Variants in AGO2 observed in about 807,000 individuals in gnomAD.
AGO2 encodes protein argonaute-2.
A neutral mutation model predicts 102.3 loss-of-function variants in AGO2; 5 were observed. The ratio of observed to expected loss-of-function variants is 0.05; its 90% CI spans 0.03 to 0.10. AGO2 has a LOEUF of 0.10. Among genes scored for constraint, AGO2 ranks in the 10% least tolerant of loss-of-function variants. The pLI is 1.00. For missense variants in AGO2, 541 were observed against 1,183.7 expected (o/e 0.46, Z 7.97); for synonymous variants, 449 against 473.1 (o/e 0.95, Z 0.66).
chr8:140,566,920 G>A (rs577514996), intron 3 of AGO2, among the ~76,000 whole-genome samples: 6 of 152,318 alleles, frequency 3.9e-5, no homozygotes, highest in African/African-American at 1.4e-4. Context: ...CAAGTGGAGT[G>A]AGCTTGGGAG....
At position 140,567,844 on chromosome 8, in the gene AGO2, A is replaced by AG. The variant is rs1218137578; in HGVS notation, c.336+4967dup. ...AAACAGCACTCTAAAGAATGCAAAG[A>AG]GGCCAGCCTGGGGCTCACGCCTGTA... On this transcript the variant is annotated intron_variant, in intron 3 of 18. Coordinates refer to ENST00000220592, the MANE Select transcript of AGO2 (RefSeq NM_012154.5). This position sits in a 1 kb window ranked among gnomAD's most constrained non-coding sequence, Gnocchi z 5.0. Among the ~76,000 whole-genome samples, 1 of 152,180 alleles carries AG rather than the reference A, an allele frequency of 6.6e-6. No homozygotes were observed. The highest frequency in any genetic ancestry group is 1.5e-5 in the Non-Finnish European group (1 of 68,024).
At chr8:140,634,195 T>C (rs561167192) in intron 1 of AGO2, among the ~76,000 whole-genome samples, 8 of 152,360 alleles carry the variant, frequency 5.3e-5, no homozygotes, top group South Asian at 2.1e-4. Context: ...GACTCCGCCT[T>C]GTTGAAGCTT....
In AGO2 at chr8:140,544,910, AG is replaced by A. The variant is rs1400607450; in HGVS notation, c.1749-608del. On this transcript the variant is annotated intron_variant, in intron 13 of 18. Transcript: ENST00000220592. ...AGGCAGCACGCACAGGGGCAAGGAC[AG>A]GCATGTGGGCCTCGGGCTCTCCGGG... Among the ~76,000 whole-genome samples, 25 of 152,326 alleles carry A rather than the reference AG, an allele frequency of 1.6e-4. No homozygotes were observed. In the South Asian group the frequency reaches 1.9e-3, roughly 11 times the overall value.
Position 140,526,479 on chromosome 8 carries a change from G to A in AGO2, c.*5565C>T, listed in dbSNP as rs1172062372. On this transcript the variant is annotated 3_prime_UTR_variant, in exon 19 of 19. Transcript: ENST00000220592. This position sits in a 1 kb window ranked among gnomAD's most constrained non-coding sequence, Gnocchi z 5.2. ...ACCCTGGTCCACCTGACACAGTAGA[G>A]GAGGAGGGGCTGCCCGTGGGTCACA... is the stretch of plus-strand genomic sequence containing the variant. The A allele has an allele frequency of 1.3e-5, 2 of 152,204 alleles. No homozygotes were observed. The highest frequency in any genetic ancestry group is 6.5e-5 in the Admixed American group (1 of 15,284). 9.4% of individuals were successfully genotyped at this position (152,204 alleles called of 1,614,324 possible). A position where few individuals can be genotyped will look rare whatever the true frequency, so the allele number is the denominator to read the frequency against.
At position 140,540,282 on chromosome 8, in the gene AGO2, G is replaced by A. The variant is rs985721272; in HGVS notation, c.2035-828C>T. On this transcript the variant is annotated intron_variant, in intron 15 of 18. Coordinates refer to ENST00000220592, the MANE Select transcript of AGO2 (RefSeq NM_012154.5). The surrounding 1 kb of genome is among the most constrained non-coding windows in gnomAD (Gnocchi z 5.0). Reference sequence around the variant, plus strand: ...GGGAGGCTGGGCTGCGTGCCATCCCGCCTCCTGATCAAGGCCGGGGAGTTC... The same window carrying A: ...GGGAGGCTGGGCTGCGTGCCATCCCACCTCCTGATCAAGGCCGGGGAGTTC... Among the ~76,000 whole-genome samples the A allele has an allele frequency of 1.3e-5, 2 of 152,100 alleles. No individual in the cohort carries two copies. The highest frequency in any genetic ancestry group is 2.4e-5 in the African/African-American group (1 of 41,400).
At chr8:140,568,751 G>T (rs540589102) in intron 3 of AGO2, among the ~76,000 whole-genome samples, 2 of 152,350 alleles carry the variant, frequency 1.3e-5, no homozygotes, top group East Asian at 3.9e-4. Context: ...CACCCATCAT[G>T]TCTGCAAAGT....
intron 2 of AGO2, among the ~76,000 whole-genome samples, chr8:140,584,789 T>C (rs2073625289): frequency 6.6e-6 from 1 of 152,110 alleles, no homozygotes; most frequent in South Asian, 2.1e-4. Flanking sequence ...CTTTAGGGGC[T>C]GGGGGTAACC....
Position 140,547,715 on chromosome 8 carries a change from C to T in AGO2, c.1589-88G>A, listed in dbSNP as rs567923475. On this transcript the variant is annotated intron_variant, in intron 12 of 18. Transcript: ENST00000220592. ...CAGCAGCTGCCACCAGCCCTCTTGC[C>T]CCCATCTGGCAAGTGCAGCCATGGC... The T allele has an allele frequency of 5.0e-5, 76 of 1,518,536 alleles. No homozygotes were observed. In the African/African-American group the frequency reaches 8.8e-4, roughly 17 times the overall value. 94.1% of individuals were successfully genotyped at this position (1,518,536 alleles called of 1,614,324 possible).
At chr8:140,561,863 C>G (rs2073206723) in intron 4 of AGO2, among the ~76,000 whole-genome samples, 2 of 152,236 alleles carry the variant, frequency 1.3e-5, no homozygotes, top group South Asian at 4.1e-4. Context: ...GGCAGGTGTG[C>G]TGAGGGCTGA....
At chr8:140,552,703 C>T (rs1164377686) in intron 10 of AGO2, among the ~76,000 whole-genome samples, 4 of 151,924 alleles carry the variant, frequency 2.6e-5, no homozygotes, top group Non-Finnish European at 5.9e-5. Flanking sequence ...CATGCACTCA[C>T]ATGCACATGA....
intron 2 of AGO2, among the ~76,000 whole-genome samples, chr8:140,580,164 C>T (rs558427273): frequency 6.6e-6 from 1 of 152,268 alleles, no homozygotes. Context: ...TTGGTGCCCA[C>T]AGCTGTACGG....
At chr8:140,576,757 C>T (rs566935954) in intron 2 of AGO2, among the ~76,000 whole-genome samples, 43 of 152,312 alleles carry the variant, frequency 2.8e-4, no homozygotes, top group African/African-American at 1.0e-3. Context: ...CACACATCCA[C>T]GCAAACATTT....
chr8:140,600,378 G>A (rs1264895745), intron 1 of AGO2, among the ~76,000 whole-genome samples: 2 of 152,118 alleles, frequency 1.3e-5, no homozygotes, highest in African/African-American at 2.4e-5. Flanking sequence ...AGCGTCATGG[G>A]GTCTACAGAT....
upstream of AGO2, among the ~76,000 whole-genome samples, chr8:140,635,977 C>G (rs2074404561): frequency 6.7e-6 from 1 of 150,048 alleles, no homozygotes; most frequent in Non-Finnish European, 1.5e-5. Context: ...CCAGAGAAGC[C>G]GCGTCTTCCC....
At position 140,521,977 on chromosome 8, in the gene AGO2, T is replaced by C. The variant is rs1588423232; in HGVS notation, c.*10067A>G. 1 of 152,270 alleles carries C rather than the reference T, an allele frequency of 6.6e-6. No homozygotes were observed. The highest frequency in any genetic ancestry group is 6.5e-5 in the Admixed American group (1 of 15,298). The allele number at this position is 152,270 out of a possible 1,614,324, so 9.4% of individuals were successfully genotyped here. On this transcript the variant is annotated 3_prime_UTR_variant, in exon 19 of 19. Transcript: ENST00000220592. ...AGAGGAGTTTGGACTTTATTGTTTG[T>C]AAAATGTTAAATTTGCTCTTGGACA... is the stretch of plus-strand genomic sequence containing the variant.
At chr8:140,632,290 C>T (rs749966336) in intron 1 of AGO2, among the ~76,000 whole-genome samples, 8 of 152,234 alleles carry the variant, frequency 5.3e-5, no homozygotes, top group East Asian at 1.9e-4. Context: ...CCAGCCATGC[C>T]GCGATGGCCT....
chr8:140,610,815 A>C (rs979939686), intron 1 of AGO2, among the ~76,000 whole-genome samples: 16 of 152,220 alleles, frequency 1.1e-4, no homozygotes, highest in Non-Finnish European at 2.1e-4. Context: ...ACTTTGAAAA[A>C]AACACACAGT....
chr8:140,531,003 T>A lies in AGO2; in HGVS notation c.*1041A>T, dbSNP rs542303834. ...GCACAGTCTCCACGGGGGAAGCGGGTTGCTGTCACATTAAGTCAATTGCAT... is the reference window on the plus strand; with the variant it reads ...GCACAGTCTCCACGGGGGAAGCGGGATGCTGTCACATTAAGTCAATTGCAT... On this transcript the variant is annotated 3_prime_UTR_variant, in exon 19 of 19. Transcript: ENST00000220592. 1 of 152,262 alleles carries A rather than the reference T, an allele frequency of 6.6e-6. No individual in the cohort carries two copies. The highest frequency in any genetic ancestry group is 1.9e-4 in the East Asian group (1 of 5,170). The allele number at this position is 152,262 out of a possible 1,614,324, so 9.4% of individuals were successfully genotyped here. A position where few individuals can be genotyped will look rare whatever the true frequency, so the allele number is the denominator to read the frequency against.
chr8:140,616,838 G>A (rs2074147958), intron 1 of AGO2, among the ~76,000 whole-genome samples: 1 of 152,236 alleles, frequency 6.6e-6, no homozygotes, highest in South Asian at 2.1e-4. Context: ...CTGAGCACAG[G>A]TGGATTTACA....
Sources: allele counts gnomAD v4.1 joint callset (sites outside exome capture counted in the v4.1 genomes callset), GRCh38; gene constraint gnomAD v4.1.1; non-coding constraint Gnocchi (gnomAD v3.1); transcripts MANE v1.5; gene names NCBI Gene and HGNC (gene_info 2026-07-23, HGNC 2026-07-21).